The following CADPS2 variants were observed in gnomAD, a reference collection of about 807,000 sequenced individuals.
The protein encoded by CADPS2 is calcium dependent secretion activator 2.
In CADPS2, 93 loss-of-function variants were observed where a neutral mutation model predicts 172.5. The ratio of observed to expected loss-of-function variants is 0.54; its 90% CI spans 0.46 to 0.64. The LOEUF is 0.64. Ranked by LOEUF, CADPS2 falls within the 30% of genes least tolerant of loss-of-function variation. The pLI, the probability that CADPS2 is intolerant of heterozygous loss-of-function variation, is 0.00. For missense variants in CADPS2, 1,420 were observed against 1,565.9 expected (o/e 0.91, Z 1.57); for synonymous variants, 546 against 555.2 (o/e 0.98, Z 0.23).
At chr7:122,565,851 T>C (rs556200991) in intron 7 of CADPS2, among the ~76,000 whole-genome samples, 147 of 152,318 alleles carry the variant, frequency 9.7e-4, no homozygotes, top group Non-Finnish European at 1.3e-3. Context: ...TTATTAACTA[T>C]AGTCACCATG....
intron 1 of CADPS2, among the ~76,000 whole-genome samples, chr7:122,786,937 G>C (rs1359574785): frequency 6.6e-6 from 1 of 152,136 alleles, no homozygotes; most frequent in South Asian, 2.1e-4. Context: ...ACAGGTCATG[G>C]ATGTAGCATT....
intron 1 of CADPS2, among the ~76,000 whole-genome samples, chr7:122,852,097 GT>G (rs1460869122): frequency 2.6e-5 from 4 of 152,000 alleles, no homozygotes; most frequent in Non-Finnish European, 5.9e-5. Flanking sequence ...AAGTGAAAAA[GT>G]TTTTTTCTAT....
intron 2 of CADPS2, among the ~76,000 whole-genome samples, chr7:122,717,994 T>A (rs1392165391): frequency 2.4e-5 from 3 of 123,744 alleles, no homozygotes; most frequent in African/African-American, 1.2e-4. Flanking sequence ...TTTTTTTTTT[T>A]TTTTTTTTTT....
chr7:122,534,203 C>A (rs2062024884), intron 8 of CADPS2, among the ~76,000 whole-genome samples: 1 of 152,056 alleles, frequency 6.6e-6, no homozygotes, highest in Admixed American at 6.6e-5. Context: ...TATCTAAACT[C>A]TAGACAACTT....
At chr7:122,774,978 C>A (rs1373866674) in intron 1 of CADPS2, among the ~76,000 whole-genome samples, 1 of 151,964 alleles carries the variant, frequency 6.6e-6, no homozygotes, top group African/African-American at 2.4e-5. Flanking sequence ...CTCATTTTTT[C>A]TGTTAAATTC....
chr7:122,532,809 T>C (rs1323611285), intron 8 of CADPS2, among the ~76,000 whole-genome samples: 1 of 152,166 alleles, frequency 6.6e-6, no homozygotes, highest in African/African-American at 2.4e-5. Flanking sequence ...ACAATTTTAA[T>C]GGAAATAAAC....
chr7:122,484,369 T>C (rs1441585267), intron 11 of CADPS2, among the ~76,000 whole-genome samples: 1 of 152,100 alleles, frequency 6.6e-6, no homozygotes, highest in Non-Finnish European at 1.5e-5. Flanking sequence ...TGTAGTTAAT[T>C]GATTTTTCAC....
At chr7:122,430,601 G>A (rs2049783357) in intron 17 of CADPS2, among the ~76,000 whole-genome samples, 3 of 152,094 alleles carry the variant, frequency 2.0e-5, no homozygotes, top group Admixed American at 1.3e-4. Flanking sequence ...AAGCAAAGGA[G>A]AAAACTACTT....
At chr7:122,816,484 G>C (rs1801447783) in intron 1 of CADPS2, among the ~76,000 whole-genome samples, 1 of 152,162 alleles carries the variant, frequency 6.6e-6, no homozygotes, top group South Asian at 2.1e-4. Flanking sequence ...TGTGAATAGT[G>C]CTGCAATAAA....
At chr7:122,645,658 G>GATATAT (rs71161314) in intron 3 of CADPS2, among the ~76,000 whole-genome samples, 10,694 of 106,148 alleles carry the variant, frequency 0.1, 694 homozygotes, top group East Asian at 0.16. Context: ...ATATCTCTAA[G>GATATAT]ATATATATAT....
At chr7:122,852,091 G>A (rs1369633358) in intron 1 of CADPS2, among the ~76,000 whole-genome samples, 1 of 152,048 alleles carries the variant, frequency 6.6e-6, no homozygotes, top group East Asian at 1.9e-4. Context: ...AAATTTAAGT[G>A]AAAAAGTTTT....
At chr7:122,565,782 T>A (rs2066387090) in intron 7 of CADPS2, among the ~76,000 whole-genome samples, 1 of 152,192 alleles carries the variant, frequency 6.6e-6, no homozygotes, top group South Asian at 2.1e-4. Flanking sequence ...TTTTTGTGTA[T>A]GTACTGAGAA....
intron 3 of CADPS2, among the ~76,000 whole-genome samples, chr7:122,643,401 G>C (rs79728567): frequency 0.014 from 2,107 of 152,240 alleles, 45 homozygotes; most frequent in African/African-American, 0.047. Flanking sequence ...TACTCTCTCA[G>C]CCCACAAACA....
chr7:122,376,699 T>C (rs867547392), intron 25 of CADPS2, among the ~76,000 whole-genome samples: 3 of 152,152 alleles, frequency 2.0e-5, no homozygotes, highest in African/African-American at 7.2e-5. Flanking sequence ...GGATTGATCT[T>C]ATGTGACTGT....
In CADPS2 at chr7:122,388,644, G is replaced by A. The variant is rs1414604370; in HGVS notation, c.3103C>T (p.His1035Tyr). The change falls in exon 23 of 30, where the codon CAC becomes TAC. Residue 1035 changes from histidine (H) to tyrosine (Y), a missense_variant. Physicochemically the swap from His to Tyr is moderately conservative, Grantham distance 83 (BLOSUM62 2). Coordinates refer to ENST00000449022, the MANE Select transcript of CADPS2 (RefSeq NM_017954.11). ...DLHWPEQEFA[H>Y]HLEQRLKLMA... ...AGTTTAAGTCTTTGCTCTAAGTGGT[G>A]GGCAAATTCCTGTTCTGGCCAGTGC... 7.5e-6 allele frequency: 12 copies of A among 1,610,404 alleles called. No homozygotes were observed. The highest frequency in any genetic ancestry group is 1.0e-5 in the Non-Finnish European group (12 of 1,177,974).
chr7:122,661,572 G>A (rs1252532402), intron 3 of CADPS2, among the ~76,000 whole-genome samples: 2 of 152,024 alleles, frequency 1.3e-5, no homozygotes, highest in African/African-American at 4.8e-5. Flanking sequence ...TCTCAGAACT[G>A]AAAGGAATTA....
intron 2 of CADPS2, among the ~76,000 whole-genome samples, chr7:122,707,095 A>C (rs1480727652): frequency 1.3e-5 from 2 of 151,832 alleles, no homozygotes; most frequent in Non-Finnish European, 2.9e-5. Context: ...AGGCAGGCAC[A>C]ATGGCAGTTA....
intron 1 of CADPS2, among the ~76,000 whole-genome samples, chr7:122,769,443 T>C (rs1218244898): frequency 1.3e-5 from 2 of 152,044 alleles, no homozygotes; most frequent in Admixed American, 1.3e-4. Context: ...TCCACCTCTT[T>C]GTGTTCATTC....
chr7:122,634,105 G>A (rs1482844516), intron 3 of CADPS2, among the ~76,000 whole-genome samples: 2 of 152,088 alleles, frequency 1.3e-5, no homozygotes, highest in Non-Finnish European at 2.9e-5. Context: ...TGAGGAGTTT[G>A]TGACTATATT....
Sources: allele counts gnomAD v4.1 joint callset (sites outside exome capture counted in the v4.1 genomes callset), GRCh38; gene constraint gnomAD v4.1.1; transcripts MANE v1.5; gene names NCBI Gene and HGNC (gene_info 2026-07-23, HGNC 2026-07-21).